The following NCK2 variants were observed in gnomAD, a reference collection of about 807,000 sequenced individuals.
NCK2 encodes NCK adaptor protein 2.
Under a neutral mutation model 33.9 loss-of-function variants are expected in NCK2, and 16 were observed. The observed-to-expected ratio is 0.47, with a 90% CI of 0.32 to 0.72. The LOEUF is 0.72. Ranked by LOEUF, NCK2 falls within the 30% of genes least tolerant of loss-of-function variation. The pLI, the probability that NCK2 is intolerant of heterozygous loss-of-function variation, is 0.03. For synonymous variants in NCK2, 273 were observed against 239.9 expected, an observed-to-expected ratio of 1.14 and a Z score of -1.27; for missense variants, 418 against 537.3, an observed-to-expected ratio of 0.78 and a Z score of 2.19.
In NCK2 at chr2:105,744,916, C is replaced by A. The variant is rs1480461239; in HGVS notation, c.-423C>A. The A allele has an allele frequency of 2.1e-5, 3 of 145,812 alleles. No homozygotes were observed. The highest frequency in any genetic ancestry group is 4.6e-5 in the Non-Finnish European group (3 of 65,452). 9.0% of individuals were successfully genotyped at this position (145,812 alleles called of 1,614,324 possible). A position where few individuals can be genotyped will look rare whatever the true frequency, so the allele number is the denominator to read the frequency against. On this transcript the variant is annotated 5_prime_UTR_variant, in exon 1 of 5. Coordinates refer to ENST00000233154, the MANE Select transcript of NCK2 (RefSeq NM_003581.5). ...GCCGCTGCCGCGGGGATCGTCAGGC[C>A]GGAGCCGCGCGGCCGAGCGGGCGGC...
At chr2:105,870,759 A>C (rs1677966748) in intron 3 of NCK2, among the ~76,000 whole-genome samples, 1 of 152,108 alleles carries the variant, frequency 6.6e-6, no homozygotes, top group South Asian at 2.1e-4. Context: ...TCAAAAAAGA[A>C]AGAAAGAAAG....
intron 3 of NCK2, among the ~76,000 whole-genome samples, chr2:105,871,564 C>T (rs780271789): frequency 4.6e-5 from 7 of 151,854 alleles, no homozygotes; most frequent in Non-Finnish European, 1.0e-4. Context: ...GGCGCGATCT[C>T]GGCTCACTGC....
At chr2:105,839,102 G>A (rs887244805) in intron 2 of NCK2, among the ~76,000 whole-genome samples, 2 of 152,116 alleles carry the variant, frequency 1.3e-5, no homozygotes, top group East Asian at 1.9e-4. Flanking sequence ...ATGGCGGCTT[G>A]AACAAAGTAA....
At chr2:105,766,295 T>C (rs561820599) in intron 1 of NCK2, among the ~76,000 whole-genome samples, 1 of 152,246 alleles carries the variant, frequency 6.6e-6, no homozygotes, top group East Asian at 1.9e-4. Flanking sequence ...TGTATTTCTT[T>C]CTCCTTCTCT....
chr2:105,886,385 G>C (rs1678722335), intron 4 of NCK2, among the ~76,000 whole-genome samples: 2 of 152,318 alleles, frequency 1.3e-5, no homozygotes, highest in African/African-American at 4.8e-5. Context: ...CTTCAATGCT[G>C]ACCTTTAAAA....
At chr2:105,835,374 T>C (rs182309463) in intron 2 of NCK2, among the ~76,000 whole-genome samples, 102 of 97,740 alleles carry the variant, frequency 1.0e-3, no homozygotes, top group Non-Finnish European at 1.3e-3. Flanking sequence ...TATATATATA[T>C]ACATATATAT....
chr2:105,761,178 G>GCA, intron 1 of NCK2, among the ~76,000 whole-genome samples: 1 of 152,334 alleles, frequency 6.6e-6, no homozygotes, highest in South Asian at 2.1e-4. Flanking sequence ...GCAGGGTTGT[G>GCA]CCCTACCCGG....
intron 2 of NCK2, 109 bp from the exon 3 acceptor site, chr2:105,854,939 G>A: frequency 1.4e-6 from 1 of 733,160 alleles, no homozygotes; most frequent in Non-Finnish European, 2.3e-6. Context: ...GAGAAAACTG[G>A]TTGCAGAGTT....
intron 1 of NCK2, among the ~76,000 whole-genome samples, chr2:105,759,212 G>A (rs965539774): frequency 6.6e-6 from 1 of 152,154 alleles, no homozygotes; most frequent in Non-Finnish European, 1.5e-5. Context: ...TCTTATTCAA[G>A]GGAGCAAGAT....
chr2:105,819,957 C>T (rs540735569), intron 2 of NCK2, among the ~76,000 whole-genome samples: 6 of 152,254 alleles, frequency 3.9e-5, no homozygotes, highest in Non-Finnish European at 8.8e-5. Context: ...GCCACCTTTC[C>T]CCATGCCCTT....
chr2:105,751,940 A>G (rs1012775896), intron 1 of NCK2, among the ~76,000 whole-genome samples: 10 of 152,236 alleles, frequency 6.6e-5, no homozygotes, highest in African/African-American at 2.4e-4. Flanking sequence ...ATGTAAAACC[A>G]AACAAGTATT....
At chr2:105,816,706 T>A (rs1350802350) in intron 2 of NCK2, 93 bp downstream of exon 2, 1 of 152,228 alleles carries the variant, frequency 6.6e-6, no homozygotes, top group Non-Finnish European at 1.5e-5. Context: ...TATCAGTCAG[T>A]GTAGCCTTGA....
At chr2:105,791,601 T>C (rs1690887125) in intron 1 of NCK2, among the ~76,000 whole-genome samples, 1 of 152,228 alleles carries the variant, frequency 6.6e-6, no homozygotes, top group South Asian at 2.1e-4. Flanking sequence ...CATTTAAACT[T>C]CTCTAGAGCA....
At chr2:105,797,842 C>A (rs1347916747) in intron 1 of NCK2, among the ~76,000 whole-genome samples, 1 of 152,098 alleles carries the variant, frequency 6.6e-6, no homozygotes, top group Non-Finnish European at 1.5e-5. Flanking sequence ...AGAAAAAAAA[C>A]CCTTTCAGCA....
At chr2:105,791,632 C>T (rs573379165) in intron 1 of NCK2, among the ~76,000 whole-genome samples, 1 of 152,276 alleles carries the variant, frequency 6.6e-6, no homozygotes, top group South Asian at 2.1e-4. Context: ...CGAACTGACT[C>T]CATAATAGAT....
intron 1 of NCK2, among the ~76,000 whole-genome samples, chr2:105,789,999 G>C (rs746436): frequency 0.18 from 27,632 of 152,156 alleles, 4,508 homozygotes; most frequent in African/African-American, 0.42. Context: ...CAACACTAGC[G>C]TGTTCATGTA....
intron 3 of NCK2, among the ~76,000 whole-genome samples, chr2:105,862,524 T>C (rs995474814): frequency 6.6e-6 from 1 of 152,202 alleles, no homozygotes; most frequent in African/African-American, 2.4e-5. Context: ...CCAAATTGAC[T>C]ATCTGGATTT....
chr2:105,804,407 G>T (rs1372339106), intron 1 of NCK2, among the ~76,000 whole-genome samples: 1 of 152,186 alleles, frequency 6.6e-6, no homozygotes, highest in Non-Finnish European at 1.5e-5. Context: ...AAAAGGCTAG[G>T]CATGTAGGTT....
At chr2:105,821,878 C>A (rs1451124666) in intron 2 of NCK2, among the ~76,000 whole-genome samples, 1 of 147,710 alleles carries the variant, frequency 6.8e-6, no homozygotes. Flanking sequence ...AACAGCAGCC[C>A]GGGAAGCAGA....
Sources: allele counts gnomAD v4.1 joint callset (sites outside exome capture counted in the v4.1 genomes callset), GRCh38; gene constraint gnomAD v4.1.1; transcripts MANE v1.5; gene names NCBI Gene and HGNC (gene_info 2026-07-23, HGNC 2026-07-21).